The following CDK14 variants were observed in gnomAD, a reference collection of about 807,000 sequenced individuals.
CDK14 encodes cyclin-dependent kinase 14.
A neutral mutation model predicts 60.7 loss-of-function variants in CDK14; 34 were observed. The ratio of observed to expected loss-of-function variants is 0.56; its 90% CI spans 0.43 to 0.75. The LOEUF is 0.75. Among genes scored for constraint, CDK14 ranks in the 30% least tolerant of loss-of-function variants. The pLI is 0.00. For synonymous variants in CDK14, 197 were observed against 203.7 expected (o/e 0.97, Z 0.28); for missense variants, 482 against 564.1 (o/e 0.85, Z 1.47).
intron 2 of CDK14, among the ~76,000 whole-genome samples, chr7:90,627,773 A>G (rs1162253785): frequency 6.6e-6 from 1 of 152,198 alleles, no homozygotes; most frequent in Non-Finnish European, 1.5e-5. Flanking sequence ...ATTCTTGACC[A>G]ATAGTGATAA....
intron 7 of CDK14, among the ~76,000 whole-genome samples, chr7:90,903,279 A>G (rs1332301218): frequency 1.3e-5 from 2 of 152,190 alleles, no homozygotes; most frequent in African/African-American, 4.8e-5. Context: ...TCATTGAAGC[A>G]CTATTCACAA....
chr7:90,902,744 A>AT (rs1357484502), intron 7 of CDK14, among the ~76,000 whole-genome samples: 2 of 152,112 alleles, frequency 1.3e-5, no homozygotes, highest in Non-Finnish European at 2.9e-5. Context: ...TAATAGATAA[A>AT]TGGGACTATA....
intron 6 of CDK14, among the ~76,000 whole-genome samples, chr7:90,870,375 A>G (rs920244957): frequency 1.3e-5 from 2 of 152,202 alleles, no homozygotes; most frequent in Non-Finnish European, 2.9e-5. Flanking sequence ...GAGGATGAGG[A>G]AAAATAACTA....
At chr7:90,610,804 CTTAAT>C (rs763438816) in intron 2 of CDK14, among the ~76,000 whole-genome samples, 5 of 152,196 alleles carry the variant, frequency 3.3e-5, no homozygotes, top group Non-Finnish European at 5.9e-5. Flanking sequence ...AGTATGACCT[CTTAAT>C]TTAATTACAT....
At chr7:91,179,143 G>T (rs1443205171) in intron 14 of CDK14, among the ~76,000 whole-genome samples, 1 of 151,934 alleles carries the variant, frequency 6.6e-6, no homozygotes, top group Non-Finnish European at 1.5e-5. Flanking sequence ...AGAAAATGTG[G>T]CACATATACA....
intron 10 of CDK14, among the ~76,000 whole-genome samples, chr7:91,019,450 C>G (rs1423686644): frequency 6.6e-6 from 1 of 152,164 alleles, no homozygotes; most frequent in Non-Finnish European, 1.5e-5. Flanking sequence ...TAGCCAGAGA[C>G]TCCAGGCTAC....
chr7:90,796,286 A>G (rs1261888373), intron 5 of CDK14, among the ~76,000 whole-genome samples: 3 of 152,174 alleles, frequency 2.0e-5, no homozygotes, highest in Non-Finnish European at 2.9e-5. Context: ...AAGAAACTGG[A>G]AGCTGATAAG....
At position 91,031,965 on chromosome 7, in the gene CDK14, C is replaced by T. The variant is rs151256556; in HGVS notation, c.1042-13932C>T. Reference sequence around the variant, plus strand: ...TCACCTTCCGTCTGTCAGTCTTTGCCGGCCTTGCATACATAAGCCTCTCTT... The same window carrying T: ...TCACCTTCCGTCTGTCAGTCTTTGCTGGCCTTGCATACATAAGCCTCTCTT... On this transcript the variant is annotated intron_variant, in intron 10 of 14. Coordinates refer to ENST00000380050, the MANE Select transcript of CDK14 (RefSeq NM_001287135.2). 4.9e-3 allele frequency among the ~76,000 whole-genome samples: 748 copies of T among 152,252 alleles called. 5 individuals carry two copies. The highest frequency in any genetic ancestry group is 0.012 in the African/African-American group (490 of 41,568).
intron 10 of CDK14, among the ~76,000 whole-genome samples, chr7:91,009,630 T>A (rs1796092883): frequency 6.6e-6 from 1 of 152,204 alleles, no homozygotes. Context: ...TTTCCATCTA[T>A]ATGTCTTCTT....
At chr7:91,065,879 C>A (rs1345698378) in intron 11 of CDK14, among the ~76,000 whole-genome samples, 2 of 152,136 alleles carry the variant, frequency 1.3e-5, no homozygotes, top group Non-Finnish European at 2.9e-5. Context: ...GTAACATAAA[C>A]AAATAATTAG....
chr7:90,783,920 G>T (rs1286238827), intron 4 of CDK14, among the ~76,000 whole-genome samples: 1 of 151,950 alleles, frequency 6.6e-6, no homozygotes, highest in Non-Finnish European at 1.5e-5. Flanking sequence ...CCCACTCCTG[G>T]GTGTATCTAT....
intron 9 of CDK14, among the ~76,000 whole-genome samples, chr7:90,959,170 A>G (rs1794524042): frequency 6.6e-6 from 1 of 152,156 alleles, no homozygotes; most frequent in African/African-American, 2.4e-5. Flanking sequence ...AAACTGATAG[A>G]AAATAGTAGA....
At chr7:91,153,681 G>A (rs1017776977) in intron 14 of CDK14, among the ~76,000 whole-genome samples, 17 of 152,238 alleles carry the variant, frequency 1.1e-4, no homozygotes, top group Non-Finnish European at 1.6e-4. Flanking sequence ...AGTAAGTGAT[G>A]AGAACACATG....
intron 5 of CDK14, among the ~76,000 whole-genome samples, chr7:90,858,614 A>G (rs911704942): frequency 1.3e-5 from 2 of 152,196 alleles, no homozygotes; most frequent in Non-Finnish European, 2.9e-5. Context: ...CATGATATTC[A>G]GGGGCCCTTA....
chr7:90,775,074 T>G (rs1352122445), intron 4 of CDK14, among the ~76,000 whole-genome samples: 2 of 152,150 alleles, frequency 1.3e-5, no homozygotes. Context: ...ACTTTTCTTG[T>G]GTGATCCTGG....
intron 2 of CDK14, among the ~76,000 whole-genome samples, chr7:90,723,883 T>G (rs778538610): frequency 6.6e-6 from 1 of 152,192 alleles, no homozygotes; most frequent in Non-Finnish European, 1.5e-5. Flanking sequence ...ATGAGAGAGA[T>G]TGATCTGTAG....
At chr7:91,200,774 A>ATT (rs375037425) in intron 14 of CDK14, among the ~76,000 whole-genome samples, 1 of 152,038 alleles carries the variant, frequency 6.6e-6, no homozygotes, top group African/African-American at 2.4e-5. Flanking sequence ...AGCTAAAATG[A>ATT]TTTTTTTTAT....
intron 10 of CDK14, among the ~76,000 whole-genome samples, chr7:91,040,981 A>G (rs962711279): frequency 6.6e-6 from 1 of 152,184 alleles, no homozygotes. Flanking sequence ...TGTTATTTGG[A>G]GTAGATATTT....
At chr7:90,936,551 A>T (rs1793759911) in intron 8 of CDK14, among the ~76,000 whole-genome samples, 1 of 152,170 alleles carries the variant, frequency 6.6e-6, no homozygotes. Flanking sequence ...CACTGTGGTT[A>T]TGAGATTCTG....
Sources: gnomAD v4.1 joint callset for allele counts (sites outside exome capture counted in the v4.1 genomes callset) on GRCh38, gnomAD v4.1.1 for gene constraint, MANE v1.5 for transcripts, NCBI Gene and HGNC (gene_info 2026-07-23, HGNC 2026-07-21) for gene names.